MMP9: variants seen among roughly 807,000 people sequenced by gnomAD.
The protein encoded by MMP9 is matrix metalloproteinase-9.
In MMP9, 73 loss-of-function variants were observed where a neutral mutation model predicts 76.4. The ratio of observed to expected loss-of-function variants is 0.96; its 90% CI spans 0.79 to 1.16. MMP9 has a LOEUF of 1.16. MMP9 is among the 50% of genes most tolerant of loss of function. MMP9 has a pLI of 0.00. For missense variants in MMP9, 943 were observed against 973.0 expected (o/e 0.97, Z 0.41); for synonymous variants, 412 against 408.4 (o/e 1.01, Z -0.11).
chr20:46,011,261 C>T lies in MMP9; in HGVS notation c.768C>T (p.Cys256=), dbSNP rs1345661665. 1.9e-6 allele frequency: 3 copies of T among 1,612,178 alleles called. No homozygotes were observed. The highest frequency in any genetic ancestry group is 2.5e-6 in the Non-Finnish European group (3 of 1,179,826). ...TDGRSDGLPW[C]STTANYDTDD... Reference sequence around the variant, plus strand: ...GTCGCTCCGACGGCTTGCCCTGGTGCAGTACCACGGCCAACTACGACACCG... The same window carrying T: ...GTCGCTCCGACGGCTTGCCCTGGTGTAGTACCACGGCCAACTACGACACCG... Residue 256 remains cysteine, a synonymous_variant, in exon 5 of 13, where the codon TGC becomes TGT. Coordinates refer to ENST00000372330, the MANE Select transcript of MMP9 (RefSeq NM_004994.3).
At chr20:46,014,001 C>A in intron 10 of MMP9, 123 bp from the exon 11 acceptor site, 1 of 1,473,488 alleles carries the variant, frequency 6.8e-7, no homozygotes, top group Non-Finnish European at 9.1e-7. Context: ...GCCTCTGCCC[C>A]TGGGTTGCAG....
rs1568846657 is a variant in MMP9 at position 46,010,334 on chromosome 20, A to ACAAACAAAC, written c.372-149_372-148insCAAACAAAC. On this transcript the variant is annotated intron_variant, in intron 2 of 12. Coordinates refer to ENST00000372330, the MANE Select transcript of MMP9 (RefSeq NM_004994.3). ...GGTCTAAGTAGACAAAAAAAAAAAA[A>ACAAACAAAC]AAAAAAACAGTCTGGAAGCAATTTA... The ACAAACAAAC allele has an allele frequency of 2.7e-4, 141 of 518,224 alleles. 8 individuals carry two copies. The African/African-American group carries it at 3.5e-3, about 13-fold the overall frequency. 32.1% of individuals were successfully genotyped at this position (518,224 alleles called of 1,614,324 possible).
At chr20:46,010,330 A>AAAAACAAAAAAAAAC (rs1568846622) in intron 2 of MMP9, among the ~76,000 whole-genome samples, 153 bp from the exon 3 acceptor site, 10 of 101,928 alleles carry the variant, frequency 9.8e-5, no homozygotes, top group Non-Finnish European at 1.7e-4. Flanking sequence ...ACAAAAAAAA[A>AAAAACAAAAAAAAAC]AAAAAAAAAA....
intron 3 of MMP9, 130 bp from the exon 4 acceptor site, chr20:46,010,792 C>T: frequency 6.4e-7 from 1 of 1,566,908 alleles, no homozygotes; most frequent in Non-Finnish European, 8.7e-7. Context: ...AGGGCCAGGG[C>T]GCCAGGCTGG....
Position 46,016,339 on chromosome 20 carries a change from T to C in MMP9, c.2095T>C (p.Tyr699His). The change falls in exon 13 of 13, where the codon TAT (tyrosine) becomes CAT (histidine). Residue 699 changes from tyrosine to histidine, a missense_variant. By Grantham distance (83) the Tyr-to-His change is moderately conservative. Transcript: ENST00000372330. ...NQVDQVGYVT[Y>H]DILQCPED ...GGTGGACCAAGTGGGCTACGTGACC[T>C]ATGACATCCTGCAGTGCCCTGAGGA... 5 of 1,614,154 alleles carry C rather than the reference T, an allele frequency of 3.1e-6. No individual in the cohort carries two copies. Among genetic ancestry groups the C allele is most frequent in the African/African-American group, 1.3e-5 (1 of 75,042 alleles).
In MMP9 at chr20:46,014,208, A is replaced by G. The variant is rs1217117967; in HGVS notation, c.1835A>G (p.Gln612Arg). ...DKLGLGADVAQVTGALRSGRG... is the reference protein window; with the variant it reads ...DKLGLGADVARVTGALRSGRG... ...CTGGGCCTGGGAGCCGACGTGGCCCAGGTGACCGGGGCCCTCCGGAGTGGC... is the reference window on the plus strand; with the variant it reads ...CTGGGCCTGGGAGCCGACGTGGCCCGGGTGACCGGGGCCCTCCGGAGTGGC... Residue 612 changes from glutamine to arginine, a missense_variant, in exon 11 of 13, where the codon CAG becomes CGG. Coordinates refer to ENST00000372330, the MANE Select transcript of MMP9 (RefSeq NM_004994.3). 1.4e-5 allele frequency: 22 copies of G among 1,531,556 alleles called. No individual in the cohort carries two copies. The highest frequency in any genetic ancestry group is 1.8e-5 in the Non-Finnish European group (20 of 1,140,602). 94.9% of individuals were successfully genotyped at this position (1,531,556 alleles called of 1,614,324 possible). A position where few individuals can be genotyped will look rare whatever the true frequency, so the allele number is the denominator to read the frequency against.
In MMP9 at chr20:46,011,318, T is replaced by A. The variant is rs746354769; in HGVS notation, c.823+2T>A. 2.1e-5 allele frequency: 33 copies of A among 1,599,926 alleles called. No individual in the cohort carries two copies. The highest frequency in any genetic ancestry group is 2.7e-5 in the Non-Finnish European group (32 of 1,176,450). On this transcript the variant is annotated splice_donor_variant, in intron 5 of 12. Coordinates refer to ENST00000372330, the MANE Select transcript of MMP9 (RefSeq NM_004994.3). LOFTEE classifies it high-confidence loss of function. The stretch of plus-strand genomic sequence containing the variant: ...GGTTTGGCTTCTGCCCCAGCGAGAG[T>A]GAGTGAGGGGGCTCGCCGAGGGCTG...
Position 46,008,989 on chromosome 20 carries a change from C to T in MMP9, c.63C>T (p.Pro21=), listed in dbSNP as rs1332167350. Residue 21 remains proline, a synonymous_variant, in exon 1 of 13, where the codon CCC becomes CCT. Transcript: ENST00000372330. ...TGCTGGGCTGCTGCTTTGCTGCCCCCAGACAGCGCCAGTCCACCCTTGTGC... is the reference window on the plus strand; with the variant it reads ...TGCTGGGCTGCTGCTTTGCTGCCCCTAGACAGCGCCAGTCCACCCTTGTGC... ...LLVLGCCFAA[P]RQRQSTLVLF... The T allele has an allele frequency of 6.2e-7, 1 of 1,614,000 alleles. No homozygotes were observed. Among genetic ancestry groups the T allele is most frequent in the South Asian group, 1.1e-5 (1 of 91,050 alleles).
chr20:46,013,204 G>T lies in MMP9; in HGVS notation c.1331-51G>T. The T allele has an allele frequency of 1.2e-6, 2 of 1,610,118 alleles. No individual in the cohort carries two copies. Among genetic ancestry groups the T allele is most frequent in the South Asian group, 1.1e-5 (1 of 91,020 alleles). The stretch of plus-strand genomic sequence containing the variant: ...GCTTAGGGGAGCAGATGTTCTAGGG[G>T]TACAGAGGTATGCAGGAATAGGAAG... On this transcript the variant is annotated intron_variant, in intron 8 of 12. Coordinates refer to ENST00000372330, the MANE Select transcript of MMP9 (RefSeq NM_004994.3). This position sits in a 1 kb window ranked among gnomAD's most constrained non-coding sequence, Gnocchi z 4.5.
chr20:46,014,564 T>TG, intron 12 of MMP9, 90 bp downstream of exon 12: 1 of 1,308,860 alleles, frequency 7.6e-7, no homozygotes, highest in Non-Finnish European at 1.1e-6. Context: ...AAAAAGCCCT[T>TG]GGAAATGGAA....
In MMP9 at chr20:46,013,383, G is replaced by A. The variant is rs774943876; in HGVS notation, c.1459G>A (p.Gly487Ser). ...PSERPTAGPT[G>S]PPSAGPTGPP... ...AGAGCGCCCCACAGCTGGCCCCACA[G>A]GTCCCCCCTCAGCTGGCCCCACAGG... The change falls in exon 9 of 13, where the codon GGT becomes AGT. Residue 487 changes from glycine to serine, a missense_variant. Transcript: ENST00000372330. The surrounding 1 kb of genome is among the most constrained non-coding windows in gnomAD (Gnocchi z 4.5). 9 of 1,610,882 alleles carry A rather than the reference G, an allele frequency of 5.6e-6. No individual in the cohort carries two copies. In the Admixed American group the frequency reaches 1.5e-4, roughly 27 times the overall value.
At position 46,012,574 on chromosome 20, in the gene MMP9, A is replaced by C. The variant is rs141702644; in HGVS notation, c.1322A>C (p.His441Pro). ...AAGGACGACGTGAATGGCATCCGGC[A>C]CCTCTATGGTGAGGCAGGGGCAGGG... ...LHKDDVNGIR[H>P]LYGPRPEPEP... Residue 441 changes from histidine to proline, a missense_variant, in exon 8 of 13, where the codon CAC (histidine) becomes CCC (proline). His to Pro is a moderately conservative substitution (Grantham distance 77, BLOSUM62 -2). Transcript: ENST00000372330. 4.3e-6 allele frequency: 7 copies of C among 1,611,176 alleles called. No individual in the cohort carries two copies. Among genetic ancestry groups the C allele is most frequent in the Non-Finnish European group, 5.1e-6 (6 of 1,179,526 alleles).
chr20:46,010,332 A>AAAAAAAAAAAAAAAAAAC (rs1555856978), intron 2 of MMP9, 151 bp from the exon 3 acceptor site: 1 of 772,216 alleles, frequency 1.3e-6, no homozygotes, highest in African/African-American at 1.8e-5. Flanking sequence ...AAAAAAAAAA[A>AAAAAAAAAAAAAAAAAAC]AAAAAAAAAC....
chr20:46,010,656 C>T (rs1261280835), intron 3 of MMP9, 25 bp downstream of exon 3: 11 of 1,606,330 alleles, frequency 6.8e-6, no homozygotes, highest in Non-Finnish European at 9.4e-6. Flanking sequence ...AGGGAAAATC[C>T]AAGAGACCTG....
In MMP9 at chr20:46,010,492, C is replaced by G. The variant is rs3918252; in HGVS notation, c.381C>G (p.Asn127Lys). 3.6e-5 allele frequency: 58 copies of G among 1,614,052 alleles called. No homozygotes were observed. In the African/African-American group the frequency reaches 7.5e-4, roughly 21 times the overall value. The change falls in exon 3 of 13, where the codon AAC becomes AAG. Residue 127 changes from asparagine (N) to lysine (K), a missense_variant. Coordinates refer to ENST00000372330, the MANE Select transcript of MMP9 (RefSeq NM_004994.3). ...GGCTCTTACGCTACAGGATCCAAAA[C>G]TACTCGGAAGACTTGCCGCGGGCGG... is the stretch of plus-strand genomic sequence containing the variant. ...HHHNITYWIQ[N>K]YSEDLPRAVI...
chr20:46,009,707 G>C (rs778377576), intron 1 of MMP9, among the ~76,000 whole-genome samples, 159 bp from the exon 2 acceptor site: 16 of 152,134 alleles, frequency 1.1e-4, no homozygotes, highest in Non-Finnish European at 1.9e-4. Context: ...AGGATCGCTT[G>C]AGTCCAGGAG....
Position 46,011,555 on chromosome 20 carries a change from C to G in MMP9, c.824-19C>G. The G allele has an allele frequency of 6.2e-7, 1 of 1,614,012 alleles. No homozygotes were observed. Among genetic ancestry groups the G allele is most frequent in the Non-Finnish European group, 8.5e-7 (1 of 1,179,942 alleles). ...CTGTCTCCGCCTTCTCCCCCTTTCC[C>G]ACATCCTCCTCGCCCCAGGACTCTA... On this transcript the variant is annotated intron_variant, in intron 5 of 12. Coordinates refer to ENST00000372330, the MANE Select transcript of MMP9 (RefSeq NM_004994.3).
In MMP9 at chr20:46,010,477, C is replaced by T; in HGVS notation, c.372-6C>T. On this transcript the variant is annotated splice_region_variant and splice_polypyrimidine_tract_variant and intron_variant, in intron 2 of 12. Coordinates refer to ENST00000372330, the MANE Select transcript of MMP9 (RefSeq NM_004994.3). Reference sequence around the variant, plus strand: ...TGACCTCCTTCCTCTGGCTCTTACGCTACAGGATCCAAAACTACTCGGAAG... The same window carrying T: ...TGACCTCCTTCCTCTGGCTCTTACGTTACAGGATCCAAAACTACTCGGAAG... 6.2e-7 allele frequency: 1 copy of T among 1,614,078 alleles called. No individual in the cohort carries two copies. Among genetic ancestry groups the T allele is most frequent in the Non-Finnish European group, 8.5e-7 (1 of 1,180,040 alleles).
chr20:46,009,750 C>T (rs1435198385), intron 1 of MMP9, 116 bp from the exon 2 acceptor site: 7 of 943,986 alleles, frequency 7.4e-6, no homozygotes, highest in Middle Eastern at 2.2e-4. Context: ...ACCGTCTCTC[C>T]GAAAAAGAAA....
Sources: allele counts gnomAD v4.1 joint callset (sites outside exome capture counted in the v4.1 genomes callset), GRCh38; gene constraint gnomAD v4.1.1; non-coding constraint Gnocchi (gnomAD v3.1); transcripts MANE v1.5; gene names NCBI Gene and HGNC (gene_info 2026-07-23, HGNC 2026-07-21).